The following FER variants were observed in gnomAD, a reference collection of about 807,000 sequenced individuals.
FER encodes the protein FER tyrosine kinase.
Under a neutral mutation model 111.0 loss-of-function variants are expected in FER, and 63 were observed. The ratio of observed to expected loss-of-function variants is 0.57; its 90% CI spans 0.46 to 0.70. The LOEUF (loss-of-function observed/expected upper bound fraction) is 0.70, where lower values mean the gene tolerates loss of function less well. FER is among the 30% of genes least tolerant of loss of function. The probability of loss-of-function intolerance (pLI) is 0.00; values close to 1 mark genes in which losing one functional copy is unlikely to be tolerated. For synonymous variants in FER, 327 were observed against 313.9 expected (o/e 1.04, Z -0.44); for missense variants, 914 against 954.0 (o/e 0.96, Z 0.55).
intron 17 of FER, among the ~76,000 whole-genome samples, chr5:109,112,184 T>G: frequency 6.6e-6 from 1 of 152,102 alleles, no homozygotes; most frequent in East Asian, 1.9e-4. Context: ...CATAGATAAG[T>G]TTTGAGAAAA....
At chr5:108,988,566 G>T (rs1405395896) in intron 13 of FER, among the ~76,000 whole-genome samples, 2 of 151,944 alleles carry the variant, frequency 1.3e-5, no homozygotes, top group Non-Finnish European at 2.9e-5. Flanking sequence ...TCTAATTTAG[G>T]TACGTAAAGG....
chr5:108,906,485 G>T (rs375408814), intron 10 of FER, among the ~76,000 whole-genome samples: 217 of 152,054 alleles, frequency 1.4e-3, no homozygotes, highest in African/African-American at 5.0e-3. Context: ...ATTAACTTAC[G>T]ACTTATGCAT....
chr5:108,886,193 A>G (rs977223727), intron 9 of FER, among the ~76,000 whole-genome samples: 4 of 151,666 alleles, frequency 2.6e-5, no homozygotes, highest in African/African-American at 7.3e-5. Context: ...AGATTATTTG[A>G]ATTTTTGCAT....
intron 2 of FER, among the ~76,000 whole-genome samples, chr5:108,773,200 T>A (rs1226217057): frequency 6.6e-6 from 1 of 152,210 alleles, no homozygotes; most frequent in Admixed American, 6.5e-5. Context: ...TTTATTATTT[T>A]AAGCTCAGGG....
chr5:109,105,261 T>TGC (rs1186166064), intron 17 of FER, among the ~76,000 whole-genome samples: 1 of 151,106 alleles, frequency 6.6e-6, no homozygotes, highest in Non-Finnish European at 1.5e-5. Flanking sequence ...TGTGTGTGTG[T>TGC]GTGTGTGTGT....
intron 18 of FER, among the ~76,000 whole-genome samples, chr5:109,182,088 C>G (rs899254000): frequency 1.3e-5 from 2 of 152,120 alleles, no homozygotes; most frequent in Non-Finnish European, 2.9e-5. Context: ...GTACTTCATT[C>G]CTTTTTAGGA....
At chr5:109,068,897 C>A (rs1775439073) in intron 16 of FER, among the ~76,000 whole-genome samples, 2 of 152,094 alleles carry the variant, frequency 1.3e-5, no homozygotes, top group Admixed American at 1.3e-4. Context: ...TCTTGTAATG[C>A]CTAAATATTT....
chr5:108,997,419 A>G (rs78115435), intron 13 of FER, among the ~76,000 whole-genome samples: 1 of 144,864 alleles, frequency 6.9e-6, no homozygotes, highest in African/African-American at 2.7e-5. Flanking sequence ...CCTGTCTCAA[A>G]AAAAAAAAAA....
chr5:108,845,434 G>A lies in FER; in HGVS notation c.481+9627G>A, dbSNP rs574983362. Among the ~76,000 whole-genome samples, 8 of 151,822 alleles carry A rather than the reference G, an allele frequency of 5.3e-5. No individual in the cohort carries two copies. In the South Asian group the frequency reaches 1.0e-3, roughly 20 times the overall value. On this transcript the variant is annotated intron_variant, in intron 5 of 19. Coordinates refer to ENST00000281092, the MANE Select transcript of FER (RefSeq NM_005246.4). ...CTGACCTCAAGTGATATGCCTGCTC[G>A]GCCTCCCAAAGTGCTGGGGTTACAG...
intron 1 of FER, among the ~76,000 whole-genome samples, chr5:108,753,845 A>T (rs1750772410): frequency 6.6e-6 from 1 of 152,168 alleles, no homozygotes; most frequent in African/African-American, 2.4e-5. Flanking sequence ...GCAAGCACTG[A>T]ACTGACTTAG....
At chr5:109,014,983 T>A (rs576378893) in intron 13 of FER, 54 of 152,168 alleles carry the variant, frequency 3.5e-4, no homozygotes, top group Admixed American at 1.4e-3. Flanking sequence ...TGATTTTTTT[T>A]AAAGACTGTT....
intron 17 of FER, among the ~76,000 whole-genome samples, chr5:109,150,875 TAACTGAGTCATC>T (rs1401501525): frequency 6.6e-6 from 1 of 152,174 alleles, no homozygotes; most frequent in Middle Eastern, 3.2e-3. Flanking sequence ...TTATCTTACA[TAACTGAGTCATC>T]AAAACAGAAT....
At chr5:109,036,071 G>A (rs184082429) in intron 13 of FER, among the ~76,000 whole-genome samples, 1 of 152,088 alleles carries the variant, frequency 6.6e-6, no homozygotes, top group African/African-American at 2.4e-5. Flanking sequence ...TAGAAATTCA[G>A]TATTGCAAAA....
At position 108,768,910 on chromosome 5, in the gene FER, C is replaced by T. The variant is rs181705297; in HGVS notation, c.-60+672C>T. ...CACAATCTTGGCTCATTGCAACCTC[C>T]GCCTCCTGGGTTCAAGCGATTCTCC... On this transcript the variant is annotated intron_variant, in intron 2 of 19. Coordinates refer to ENST00000281092, the MANE Select transcript of FER (RefSeq NM_005246.4). Among the ~76,000 whole-genome samples, 765 of 152,000 alleles carry T rather than the reference C, an allele frequency of 5.0e-3. 6 individuals carry two copies. Among genetic ancestry groups the T allele is most frequent in the Non-Finnish European group, 7.7e-3 (523 of 67,972 alleles).
At chr5:108,999,900 T>C (rs1764498648) in intron 13 of FER, among the ~76,000 whole-genome samples, 1 of 152,084 alleles carries the variant, frequency 6.6e-6, no homozygotes, top group African/African-American at 2.4e-5. Context: ...TTTTAATAAG[T>C]AGGAGGAAAG....
chr5:109,052,704 C>G (rs904116366), intron 16 of FER, among the ~76,000 whole-genome samples: 1 of 152,170 alleles, frequency 6.6e-6, no homozygotes, highest in Non-Finnish European at 1.5e-5. Flanking sequence ...TCAGGCACAC[C>G]TGGATAATCT....
At chr5:109,025,703 T>G (rs1000906902) in intron 13 of FER, among the ~76,000 whole-genome samples, 4 of 151,838 alleles carry the variant, frequency 2.6e-5, no homozygotes, top group African/African-American at 9.7e-5. Flanking sequence ...TGTGCCAGTT[T>G]TCAAAGGGAA....
chr5:109,192,729 C>T lies in FER; in HGVS notation c.*5154C>T. 6.6e-6 allele frequency: 1 copy of T among 152,142 alleles called. No homozygotes were observed. Among genetic ancestry groups the T allele is most frequent in the East Asian group, 1.9e-4 (1 of 5,192 alleles). 9.4% of individuals were successfully genotyped at this position (152,142 alleles called of 1,614,324 possible). On this transcript the variant is annotated 3_prime_UTR_variant, in exon 20 of 20. Transcript: ENST00000281092. ...CTACACTTAGATCCGCCCTATTTCA[C>T]CTTTGGACTAACGTTGACTAAATGG... is the stretch of plus-strand genomic sequence containing the variant.
chr5:108,804,932 A>G (rs1580635833), intron 3 of FER, among the ~76,000 whole-genome samples: 1 of 144,046 alleles, frequency 6.9e-6, no homozygotes, highest in East Asian at 2.0e-4. Flanking sequence ...CTCTTTGTAC[A>G]TCTAGTAGAA....
Sources: allele counts gnomAD v4.1 joint callset (sites outside exome capture counted in the v4.1 genomes callset), GRCh38; gene constraint gnomAD v4.1.1; transcripts MANE v1.5; gene names NCBI Gene and HGNC (gene_info 2026-07-23, HGNC 2026-07-21).